The following ESRRB variants were observed in gnomAD, a reference collection of about 807,000 sequenced individuals.
The protein encoded by ESRRB is steroid hormone receptor ERR2.
Under a neutral mutation model 46.0 loss-of-function variants are expected in ESRRB, and 16 were observed. The ratio of observed to expected loss-of-function variants is 0.35; its 90% CI spans 0.24 to 0.53. ESRRB has a LOEUF of 0.53. Ranked by LOEUF, ESRRB falls within the 20% of genes least tolerant of loss-of-function variation. ESRRB has a pLI of 0.93. For missense variants in ESRRB, 488 were observed against 607.4 expected (o/e 0.80, Z 2.07); for synonymous variants, 246 against 259.6 (o/e 0.95, Z 0.50).
chr14:76,370,550 A>G (rs1436371848), upstream of ESRRB, among the ~76,000 whole-genome samples: 1 of 152,216 alleles, frequency 6.6e-6, no homozygotes, highest in Non-Finnish European at 1.5e-5. Context: ...TCATTCATTC[A>G]GTCAACAGCT....
At chr14:76,421,938 G>T (rs1308619207) in intron 1 of ESRRB, among the ~76,000 whole-genome samples, 1 of 152,188 alleles carries the variant, frequency 6.6e-6, no homozygotes, top group East Asian at 1.9e-4. Context: ...CAGGATGAAG[G>T]TTGCATCAGT....
At chr14:76,466,054 GC>G (rs904050299) in intron 3 of ESRRB, among the ~76,000 whole-genome samples, 5 of 152,164 alleles carry the variant, frequency 3.3e-5, no homozygotes, top group Non-Finnish European at 4.4e-5. Flanking sequence ...CAAGGCCCAG[GC>G]CCCCCAAGAC....
intron 1 of ESRRB, among the ~76,000 whole-genome samples, chr14:76,344,641 A>G (rs1476344652): frequency 6.6e-6 from 1 of 152,212 alleles, no homozygotes; most frequent in African/African-American, 2.4e-5. Context: ...ACCTGAGGTC[A>G]GGAGTTCAAG....
chr14:76,368,126 CTTTTTTTTTTTTT>C (rs751709764), upstream of ESRRB, among the ~76,000 whole-genome samples: 2 of 124,228 alleles, frequency 1.6e-5, no homozygotes, highest in Admixed American at 8.6e-5. Flanking sequence ...CTAATTTTTC[CTTTTTTTTTTTTT>C]TTTTTTTGTA....
At chr14:76,322,997 C>A in intron 1 of ESRRB, among the ~76,000 whole-genome samples, 1 of 152,200 alleles carries the variant, frequency 6.6e-6, no homozygotes, top group East Asian at 1.9e-4. Flanking sequence ...TTCTGCCTTT[C>A]TGCTGGCTTC....
intron 1 of ESRRB, among the ~76,000 whole-genome samples, chr14:76,406,842 G>A (rs540424196): frequency 6.6e-6 from 1 of 152,324 alleles, no homozygotes; most frequent in South Asian, 2.1e-4. Context: ...ATGCCATGTG[G>A]ACAAATAAAC....
intron 2 of ESRRB, among the ~76,000 whole-genome samples, chr14:76,456,038 GCACACACACACACACA>G (rs60824171): frequency 8.7e-5 from 12 of 137,288 alleles, no homozygotes; most frequent in Non-Finnish European, 1.4e-4. Flanking sequence ...AGCGAAACTC[GCACACACACACACACA>G]CACACACACA....
intron 3 of ESRRB, among the ~76,000 whole-genome samples, chr14:76,479,702 G>C (rs1362672001): frequency 6.6e-6 from 1 of 152,108 alleles, no homozygotes; most frequent in Non-Finnish European, 1.5e-5. Context: ...CCTTCGCTCT[G>C]TCCTTGTGCC....
chr14:76,391,642 G>T (rs1164794843), intron 1 of ESRRB, among the ~76,000 whole-genome samples: 1 of 152,208 alleles, frequency 6.6e-6, no homozygotes, highest in African/African-American at 2.4e-5. Flanking sequence ...AGCTCCTCAA[G>T]GGCCCATCTG....
At chr14:76,485,089 T>G (rs1490273160) in intron 5 of ESRRB, among the ~76,000 whole-genome samples, 1 of 152,236 alleles carries the variant, frequency 6.6e-6, no homozygotes, top group Non-Finnish European at 1.5e-5. Context: ...CCATCTTAAA[T>G]GCTAATTTGC....
intron 6 of ESRRB, among the ~76,000 whole-genome samples, chr14:76,496,385 AG>A (rs1388440538): frequency 1.1e-5 from 1 of 95,064 alleles, no homozygotes; most frequent in East Asian, 3.3e-4. Flanking sequence ...TTAAAGCAAG[AG>A]ACGGTTCGGT....
chr14:76,332,758 TAAA>T (rs1566853356), intron 1 of ESRRB, among the ~76,000 whole-genome samples: 1,569 of 15,512 alleles, frequency 0.1, 101 homozygotes, highest in South Asian at 0.18. Flanking sequence ...ATATTATATA[TAAA>T]TATATAATAT....
At chr14:76,324,582 A>T (rs1323275075) in intron 1 of ESRRB, among the ~76,000 whole-genome samples, 1 of 152,204 alleles carries the variant, frequency 6.6e-6, no homozygotes, top group Non-Finnish European at 1.5e-5. Flanking sequence ...GGTAGAACTC[A>T]TCAAAGAGAA....
At chr14:76,329,997 T>G (rs2139735679) in intron 1 of ESRRB, among the ~76,000 whole-genome samples, 1 of 79,998 alleles carries the variant, frequency 1.3e-5, no homozygotes, top group South Asian at 3.8e-4. Context: ...AGGGAAGGGA[T>G]GAGTGTGGCT....
In ESRRB at chr14:76,485,842, G is replaced by A. The variant is rs536659280; in HGVS notation, c.850+3083G>A. On this transcript the variant is annotated intron_variant, in intron 5 of 6. Coordinates refer to ENST00000644823, the MANE Select transcript of ESRRB (RefSeq NM_001379180.1). ...TTTAGGCCAGTGTCCTTAAACGCAAGGTACCGCATCTCACGAGAGGGCATT... is the reference window on the plus strand; with the variant it reads ...TTTAGGCCAGTGTCCTTAAACGCAAAGTACCGCATCTCACGAGAGGGCATT... Among the ~76,000 whole-genome samples, 14 of 152,288 alleles carry A rather than the reference G, an allele frequency of 9.2e-5. No individual in the cohort carries two copies. The South Asian group carries it at 2.7e-3, about 29-fold the overall frequency.
intron 1 of ESRRB, among the ~76,000 whole-genome samples, chr14:76,421,679 T>C (rs530040656): frequency 6.6e-6 from 1 of 152,172 alleles, no homozygotes; most frequent in Non-Finnish European, 1.5e-5. Context: ...GCAGGGGCAC[T>C]GAGGTCCCTG....
chr14:76,374,319 G>A (rs1339287251), upstream of ESRRB, among the ~76,000 whole-genome samples: 2 of 152,190 alleles, frequency 1.3e-5, no homozygotes, highest in Admixed American at 6.5e-5. Flanking sequence ...TGCAAACTGT[G>A]ATAAACTACC....
intron 1 of ESRRB, among the ~76,000 whole-genome samples, chr14:76,352,872 G>A (rs947407517): frequency 1.3e-5 from 2 of 152,180 alleles, no homozygotes; most frequent in South Asian, 4.1e-4. Flanking sequence ...GCACACAGGC[G>A]AGCACCGTCC....
At chr14:76,480,779 C>CT (rs1352922170) in intron 3 of ESRRB, among the ~76,000 whole-genome samples, 5 of 152,194 alleles carry the variant, frequency 3.3e-5, no homozygotes, top group African/African-American at 1.2e-4. Flanking sequence ...GGAAAGGGCC[C>CT]TGAAGGTCAA....
Sources: allele counts gnomAD v4.1 joint callset (sites outside exome capture counted in the v4.1 genomes callset), GRCh38; gene constraint gnomAD v4.1.1; transcripts MANE v1.5; gene names NCBI Gene and HGNC (gene_info 2026-07-23, HGNC 2026-07-21).